MCF2: variants seen among roughly 807,000 people sequenced by gnomAD.
MCF2 encodes the protein MCF.2 cell line derived transforming sequence.
Under a neutral mutation model 82.5 loss-of-function variants are expected in MCF2, and 44 were observed. The observed-to-expected ratio is 0.53, with a 90% CI of 0.42 to 0.69. The LOEUF (loss-of-function observed/expected upper bound fraction) is 0.69. MCF2 is among the 30% of genes least tolerant of loss of function. The pLI, the probability that MCF2 is intolerant of heterozygous loss-of-function variation, is 0.00. For synonymous variants in MCF2, 217 were observed against 224.9 expected (o/e 0.96, Z 0.32); for missense variants, 623 against 663.1 (o/e 0.94, Z 0.66).
chrX:139,690,593 G>C (rs1935238721), intron 1 of MCF2, among the ~76,000 whole-genome samples: 1 of 111,077 alleles, frequency 9.0e-6, no homozygotes, highest in African/African-American at 3.3e-5. Context: ...AAAGAGTTCT[G>C]TGTGATGAAG....
intron 20 of MCF2, 33 bp from the exon 25 acceptor site, chrX:139,588,471 G>GCCCC: frequency 1.1e-6 from 1 of 903,141 alleles, no homozygotes; most frequent in Admixed American, 2.3e-5. Context: ...GAGGGAGGTG[G>GCCCC]TACACATTTC....
chrX:139,668,020 C>A (rs1028331525), intron 1 of MCF2, among the ~76,000 whole-genome samples: 3 of 111,748 alleles, frequency 2.7e-5, no homozygotes, highest in Non-Finnish European at 5.6e-5. Flanking sequence ...GCTGTAGGAG[C>A]CCCATGACTC....
chrX:139,614,507 A>ATGTGTGTGTG (rs10578610), intron 10 of MCF2, among the ~76,000 whole-genome samples: 3 of 103,012 alleles, frequency 2.9e-5, no homozygotes, highest in Non-Finnish European at 4.0e-5. Context: ...AGCAGTAAAT[A>ATGTGTGTGTG]TGTGTGTGTG....
exon 1 of MCF2, chrX:139,642,682 G>GA (rs200847661): frequency 0.18 from 114,878 of 630,491 alleles, 4 homozygotes; most frequent in Non-Finnish European, 0.2. Context: ...TGCTGGGGAG[G>GA]AAAAAAAAAA....
intron 1 of MCF2, among the ~76,000 whole-genome samples, chrX:139,671,146 T>C (rs1184552136): frequency 8.9e-6 from 1 of 112,292 alleles, no homozygotes; most frequent in African/African-American, 3.2e-5. Flanking sequence ...CTTTGCCCAC[T>C]TTTTAATGGG....
At chrX:139,650,576 C>G (rs1408793313) in intron 2 of MCF2, among the ~76,000 whole-genome samples, 2 of 111,706 alleles carry the variant, frequency 1.8e-5, no homozygotes, top group Admixed American at 9.6e-5. Flanking sequence ...TTTTCTTTAT[C>G]TGTTTAATAT....
At chrX:139,582,360 T>C in exon 25 of MCF2, 1 of 836,100 alleles carries the variant, frequency 1.2e-6, no homozygotes, top group Non-Finnish European at 1.8e-6. Context: ...TCCATTAACC[T>C]GAAAACAACA....
rs1022516377 is a variant in MCF2 at position 139,641,809 on chromosome X, A to C, written c.51+659T>G. 9.9e-5 allele frequency among the ~76,000 whole-genome samples: 11 copies of C among 111,579 alleles called. 1 individual carries two copies. The highest frequency in any genetic ancestry group is 7.6e-4 in the Admixed American group (8 of 10,458). The stretch of plus-strand genomic sequence containing the variant: ...ACTATATGAATAAATGAATGAAGGG[A>C]AAATTTAGGCAAAAGACTGCATGAA... On this transcript the variant is annotated intron_variant, in intron 1 of 24. Transcript: ENST00000370576.
chrX:139,636,263 C>A (rs1171970226), intron 1 of MCF2, among the ~76,000 whole-genome samples: 1 of 110,788 alleles, frequency 9.0e-6, no homozygotes, highest in Admixed American at 9.7e-5. Flanking sequence ...AGGAGTTAAG[C>A]CTTTCCTTTT....
chrX:139,610,410 T>C (rs1931410629), intron 10 of MCF2, 72 bp from the exon 15 acceptor site: 4 of 584,947 alleles, frequency 6.8e-6, no homozygotes, highest in Non-Finnish European at 1.1e-5. Flanking sequence ...AATACATATA[T>C]ATTTATTAAA....
intron 1 of MCF2, among the ~76,000 whole-genome samples, chrX:139,661,853 AAT>A (rs775162064): frequency 3.0e-4 from 34 of 112,347 alleles, no homozygotes; most frequent in Non-Finnish European, 5.6e-4. Flanking sequence ...TATGTATATA[AAT>A]ATATTTGTTG....
intron 2 of MCF2, among the ~76,000 whole-genome samples, chrX:139,648,770 G>C (rs1043177650): frequency 8.9e-6 from 1 of 112,242 alleles, no homozygotes; most frequent in African/African-American, 3.2e-5. Flanking sequence ...ATTTGACAAA[G>C]TAGATTTCAG....
intron 2 of MCF2, among the ~76,000 whole-genome samples, chrX:139,648,377 G>A (rs909103956): frequency 7.5e-5 from 8 of 106,768 alleles, no homozygotes; most frequent in South Asian, 8.4e-4. Flanking sequence ...GTCTCTCCAC[G>A]CCCCCCCCAA....
intron 1 of MCF2, among the ~76,000 whole-genome samples, chrX:139,654,163 G>A (rs1006376084): frequency 1.8e-5 from 2 of 111,479 alleles, no homozygotes; most frequent in African/African-American, 3.3e-5. Flanking sequence ...TGTACCCAGA[G>A]TGGAATTGTT....
At chrX:139,645,079 A>G (rs1342382805), upstream of MCF2, among the ~76,000 whole-genome samples, 2 of 110,721 alleles carry the variant, frequency 1.8e-5, no homozygotes, top group Non-Finnish European at 1.9e-5. Context: ...GGGAAGTTAT[A>G]TATCATTTTA....
At chrX:139,595,546 G>A in intron 19 of MCF2, among the ~76,000 whole-genome samples, 1 of 87,438 alleles carries the variant, frequency 1.1e-5, no homozygotes, top group Non-Finnish European at 2.2e-5. Context: ...ATGGACACAG[G>A]AAGGGGAACA....
At chrX:139,666,676 T>G (rs1265150738) in intron 1 of MCF2, among the ~76,000 whole-genome samples, 1 of 111,639 alleles carries the variant, frequency 9.0e-6, no homozygotes, top group East Asian at 2.8e-4. Flanking sequence ...CAGAATATAA[T>G]GTGCCCTTAA....
intron 16 of MCF2, among the ~76,000 whole-genome samples, chrX:139,599,243 G>A (rs1265210598): frequency 2.8e-5 from 3 of 106,394 alleles, no homozygotes; most frequent in East Asian, 6.0e-4. Flanking sequence ...AAGTGATTGT[G>A]GTTTTTGCCA....
Position 139,658,667 on chromosome X carries a change from GT to G in MCF2, c.-44-6880del, listed in dbSNP as rs1182070757. Among the ~76,000 whole-genome samples the G allele has an allele frequency of 9.7e-3, 548 of 56,609 alleles. 7 individuals are homozygous for G. The highest frequency in any genetic ancestry group is 0.031 in the African/African-American group (398 of 12,854). The allele number at this position is 56,609 out of a possible 115,157, so 49.2% of individuals were successfully genotyped here. A position where few individuals can be genotyped will look rare whatever the true frequency, so the allele number is the denominator to read the frequency against. ...TGAAGCCTCTGCTAAAAAAAGATGTGTTTTTTTTTTTTTTTTTTTTTTTTTG... is the reference window on the plus strand; with the variant it reads ...TGAAGCCTCTGCTAAAAAAAGATGTGTTTTTTTTTTTTTTTTTTTTTTTTG... On this transcript the variant is annotated intron_variant, in intron 1 of 27. Coordinates refer to the MCF2 transcript ENST00000414978.
Sources: gnomAD v4.1 joint callset for allele counts (sites outside exome capture counted in the v4.1 genomes callset) on GRCh38, gnomAD v4.1.1 for gene constraint, MANE v1.5 for transcripts, NCBI Gene and HGNC (gene_info 2026-07-23, HGNC 2026-07-21) for gene names.